Variants in RASL12 observed in about 807,000 individuals in gnomAD.
The protein encoded by RASL12 is ras-like protein family member 12.
In RASL12, 16 loss-of-function variants were observed where a neutral mutation model predicts 22.9. The observed-to-expected ratio is 0.70, with a 90% CI of 0.47 to 1.06. The LOEUF is 1.06. Among genes scored for constraint, RASL12 ranks in the 50% least tolerant of loss-of-function variants. The pLI is 0.00. For synonymous variants in RASL12, 159 were observed against 152.2 expected, an observed-to-expected ratio of 1.04 and a Z score of -0.33; for missense variants, 306 against 353.1, an observed-to-expected ratio of 0.87 and a Z score of 1.07.
Position 65,058,620 on chromosome 15 carries a change from G to A in RASL12, c.235-3C>T. ...CGCTCGCAGTTCCTGGGGGTGTCCT[G>A]GGGTGAAGGTGAGAAGCCCCGCCGG... On this transcript the variant is annotated splice_polypyrimidine_tract_variant and splice_region_variant and intron_variant, in intron 3 of 4. Transcript: ENST00000220062. 6.6e-7 allele frequency: 1 copy of A among 1,524,292 alleles called. No individual in the cohort carries two copies. Among genetic ancestry groups the A allele is most frequent in the African/African-American group, 1.4e-5 (1 of 72,640 alleles). The allele number at this position is 1,524,292 out of a possible 1,614,324, so 94.4% of individuals were successfully genotyped here.
downstream of RASL12, chr15:65,050,012 A>G: frequency 2.6e-6 from 4 of 1,551,216 alleles, no homozygotes; most frequent in Non-Finnish European, 3.5e-6. Context: ...GGCATGGAGC[A>G]CAGTGAGGGG....
chr15:65,058,646 G>C (rs142906957), intron 3 of RASL12, 29 bp from the exon 4 acceptor site: 56 of 1,466,210 alleles, frequency 3.8e-5, no homozygotes, highest in Middle Eastern at 1.9e-4. Context: ...GCCCCGCCGG[G>C]GGGCAGAGGA....
At chr15:65,059,473 G>T in intron 2 of RASL12, 55 bp from the exon 3 acceptor site, 1 of 1,411,318 alleles carries the variant, frequency 7.1e-7, no homozygotes, top group Non-Finnish European at 1.0e-6. Flanking sequence ...GTAAGTTTGA[G>T]CTTCCCTCTG....
rs867548650 is a variant in RASL12, at chr15:65,067,811, G to T, written c.25C>A (p.Arg9Ser). ...GCGCTCTGAGGCCCGCTGCCCGCGC[G>T]GGGTTTTCCAAACACCGAGGACATG... MSSVFGKP[R>S]AGSGPQSAPL... Residue 9 changes from arginine to serine, a missense_variant, in exon 1 of 5, where the codon CGC (arginine) becomes AGC (serine). Arg to Ser is a moderately radical substitution (Grantham distance 110, BLOSUM62 -1). Transcript: ENST00000220062. The T allele has an allele frequency of 1.3e-6, 2 of 1,574,962 alleles. No individual in the cohort carries two copies. Among genetic ancestry groups the T allele is most frequent in the Non-Finnish European group, 1.7e-6 (2 of 1,164,208 alleles).
exon 1 of RASL12, chr15:65,076,539 C>T (rs572342701): frequency 8.0e-5 from 56 of 700,650 alleles, no homozygotes; most frequent in South Asian, 1.2e-4. Flanking sequence ...CTCGAGGGTC[C>T]GCGGCTTCAT....
intron 2 of RASL12, among the ~76,000 whole-genome samples, chr15:65,061,170 A>G (rs56813157): frequency 6.9e-6 from 1 of 145,784 alleles, no homozygotes; most frequent in African/African-American, 2.5e-5. Context: ...GGTTGCTGTT[A>G]GCTCCATTGT....
intron 1 of RASL12, among the ~76,000 whole-genome samples, chr15:65,072,996 G>C (rs914418395): frequency 3.3e-5 from 5 of 151,980 alleles, no homozygotes; most frequent in African/African-American, 9.7e-5. Context: ...AATTAACCAG[G>C]TGTGGGTTAC....
At chr15:65,073,634 C>A (rs1330257690) in intron 1 of RASL12, among the ~76,000 whole-genome samples, 1 of 152,190 alleles carries the variant, frequency 6.6e-6, no homozygotes, top group Non-Finnish European at 1.5e-5. Flanking sequence ...GGGTTGGGGA[C>A]CCCTGCTTTA....
chr15:65,076,630 C>T, exon 1 of RASL12: 1 of 702,084 alleles, frequency 1.4e-6, no homozygotes, highest in South Asian at 1.5e-5. Flanking sequence ...TCACACAGGT[C>T]TCCAGATGCC....
downstream of RASL12, chr15:65,053,031 A>G: frequency 6.2e-7 from 1 of 1,614,030 alleles, no homozygotes; most frequent in Non-Finnish European, 8.5e-7. Context: ...GAGGCCAAGG[A>G]TCACAACAGC....
chr15:65,048,779 C>A (rs181743337), downstream of RASL12, among the ~76,000 whole-genome samples: 1 of 152,102 alleles, frequency 6.6e-6, no homozygotes, highest in African/African-American at 2.4e-5. Flanking sequence ...GAGGCCAAGG[C>A]GGGTGGATCA....
At chr15:65,065,071 TC>T (rs1055901854) in intron 2 of RASL12, 145 bp downstream of exon 2, 3 of 683,646 alleles carry the variant, frequency 4.4e-6, no homozygotes, top group African/African-American at 3.7e-5. Flanking sequence ...TAAAACATTT[TC>T]CCCCATGGGC....
chr15:65,074,725 G>A lies in RASL12; in HGVS notation c.70+1804C>T, dbSNP rs144113877. ...TGGTCCCATTTGGAACATGAGGAAC[G>A]GTTAGGACATTCGCACGAGGGCACA... On this transcript the variant is annotated intron_variant, in intron 1 of 4. Transcript: ENST00000434605. 9.8e-5 allele frequency among the ~76,000 whole-genome samples: 15 copies of A among 152,348 alleles called. No homozygotes were observed. The East Asian group carries it at 2.9e-3, about 29-fold the overall frequency.
chr15:65,051,233 C>T (rs771677094), downstream of RASL12, among the ~76,000 whole-genome samples: 2 of 152,224 alleles, frequency 1.3e-5, no homozygotes, highest in Non-Finnish European at 2.9e-5. Flanking sequence ...GTCTCCTGCC[C>T]TCCGTAGGCC....
chr15:65,067,795 G>T lies in RASL12; in HGVS notation c.41C>A (p.Pro14His). 6.3e-7 allele frequency: 1 copy of T among 1,580,188 alleles called. No homozygotes were observed. The highest frequency in any genetic ancestry group is 8.6e-7 in the Non-Finnish European group (1 of 1,166,350). ...GTTGACCTCGAGGGGCGCGCTCTGA[G>T]GCCCGCTGCCCGCGCGGGGTTTTCC... ...VFGKPRAGSG[P>H]QSAPLEVNLA... The change falls in exon 1 of 5, where the codon CCT becomes CAT. Residue 14 changes from proline (P) to histidine (H), a missense_variant. Coordinates refer to ENST00000220062, the MANE Select transcript of RASL12 (RefSeq NM_016563.4).
chr15:65,052,909 C>G (rs201553723), downstream of RASL12: 300 of 1,559,830 alleles, frequency 1.9e-4, no homozygotes, highest in East Asian at 6.6e-3. Flanking sequence ...TTTGGGCGAC[C>G]CAGTCCTGCC....
intron 1 of RASL12, among the ~76,000 whole-genome samples, chr15:65,065,799 T>C (rs1332116059): frequency 6.6e-6 from 1 of 152,114 alleles, no homozygotes; most frequent in Non-Finnish European, 1.5e-5. Flanking sequence ...GAGGTCTGTG[T>C]CCCGAAGAAA....
the RASL12 span, among the ~76,000 whole-genome samples, chr15:65,048,143 T>A: frequency 6.6e-6 from 1 of 150,748 alleles, no homozygotes; most frequent in Non-Finnish European, 1.5e-5. Context: ...ATCACGTCAC[T>A]GCACTCCAGC....
intron 1 of RASL12, among the ~76,000 whole-genome samples, chr15:65,073,843 T>C (rs540092187): frequency 6.6e-6 from 1 of 152,320 alleles, no homozygotes; most frequent in South Asian, 2.1e-4. Flanking sequence ...TTGTAAGGAC[T>C]TAGTATAAAG....
Sources: allele counts gnomAD v4.1 joint callset (sites outside exome capture counted in the v4.1 genomes callset), GRCh38; gene constraint gnomAD v4.1.1; transcripts MANE v1.5; gene names NCBI Gene and HGNC (gene_info 2026-07-23, HGNC 2026-07-21).